The following EPHA6 variants were observed in gnomAD, a reference collection of about 807,000 sequenced individuals.
EPHA6 encodes EPH receptor A6.
A neutral mutation model predicts 112.0 loss-of-function variants in EPHA6; 50 were observed. The ratio of observed to expected loss-of-function variants is 0.45; its 90% CI spans 0.36 to 0.56. The LOEUF (loss-of-function observed/expected upper bound fraction) is 0.56, where lower values mean the gene tolerates loss of function less well. Among genes scored for constraint, EPHA6 ranks in the 20% least tolerant of loss-of-function variants. EPHA6 has a pLI of 0.00. For missense variants in EPHA6, 1,280 were observed against 1,417.4 expected, an observed-to-expected ratio of 0.90 and a Z score of 1.56; for synonymous variants, 529 against 490.7, an observed-to-expected ratio of 1.08 and a Z score of -1.03.
chr3:97,358,437 A>T (rs187495160), intron 5 of EPHA6, among the ~76,000 whole-genome samples: 167 of 152,268 alleles, frequency 1.1e-3, no homozygotes, highest in Non-Finnish European at 1.6e-3. Flanking sequence ...AATTAAAGTG[A>T]TAATTGTAAT....
intron 11 of EPHA6, among the ~76,000 whole-genome samples, chr3:97,588,405 T>C (rs1240989326): frequency 2.0e-5 from 3 of 152,170 alleles, no homozygotes; most frequent in Admixed American, 6.6e-5. Context: ...TACTTATAGA[T>C]CTTAATGTGT....
At chr3:97,353,718 G>A (rs925956351) in intron 5 of EPHA6, among the ~76,000 whole-genome samples, 7 of 152,134 alleles carry the variant, frequency 4.6e-5, no homozygotes, top group Non-Finnish European at 8.8e-5. Context: ...TGAAAGGAGG[G>A]AAACAAGCCT....
At chr3:97,450,241 C>A (rs1009842880) in intron 7 of EPHA6, among the ~76,000 whole-genome samples, 2 of 151,756 alleles carry the variant, frequency 1.3e-5, no homozygotes, top group South Asian at 4.2e-4. Flanking sequence ...CTTTTTTTCC[C>A]CTGCCCGCTT....
At position 97,148,279 on chromosome 3, in the gene EPHA6, G is replaced by A. The variant is rs888481048; in HGVS notation, c.1115-77985G>A. 5.1e-4 allele frequency among the ~76,000 whole-genome samples: 77 copies of A among 151,926 alleles called. 1 individual carries two copies. The highest frequency in any genetic ancestry group is 6.6e-5 in the Admixed American group (1 of 15,216). On this transcript the variant is annotated intron_variant, in intron 3 of 17. Coordinates refer to ENST00000389672, the MANE Select transcript of EPHA6 (RefSeq NM_001080448.3). ...GAGGCCAGGAGTTCAAGACCAGCCT[G>A]GACAACACAGCAAGACTCCATTTCT...
In EPHA6 at chr3:97,486,841, G is replaced by A. The variant is rs2091711446; in HGVS notation, c.2200+2782G>A. Among the ~76,000 whole-genome samples the A allele has an allele frequency of 4.6e-5, 7 of 152,282 alleles. No homozygotes were observed. In the South Asian group the frequency reaches 1.2e-3, roughly 27 times the overall value. ...GTGTGGACAAAACATTGCTCAAATT[G>A]AAGAAGAACCAGTCGTGTAACATCT... On this transcript the variant is annotated intron_variant, in intron 10 of 17. Transcript: ENST00000389672.
At chr3:96,881,097 C>G (rs2037287714) in intron 2 of EPHA6, among the ~76,000 whole-genome samples, 2 of 152,280 alleles carry the variant, frequency 1.3e-5, no homozygotes, top group South Asian at 4.1e-4. Flanking sequence ...AACCACCAAA[C>G]TGTTTTCCAT....
At chr3:97,008,974 C>G (rs1377046153) in intron 3 of EPHA6, among the ~76,000 whole-genome samples, 2 of 152,092 alleles carry the variant, frequency 1.3e-5, no homozygotes, top group Non-Finnish European at 2.9e-5. Flanking sequence ...TTCATGGAGG[C>G]TGGAGAGCAG....
intron 5 of EPHA6, among the ~76,000 whole-genome samples, chr3:97,392,518 T>C (rs2086469001): frequency 6.6e-6 from 1 of 151,782 alleles, no homozygotes; most frequent in South Asian, 2.1e-4. Context: ...ATGTCATACA[T>C]ATTTTTTTGT....
intron 1 of EPHA6, among the ~76,000 whole-genome samples, chr3:96,820,820 G>A (rs2033196830): frequency 6.6e-6 from 1 of 151,886 alleles, no homozygotes; most frequent in African/African-American, 2.4e-5. Flanking sequence ...GTCAGCGAAC[G>A]ACTGTACAAG....
At chr3:96,980,333 G>C (rs2042712083) in intron 2 of EPHA6, among the ~76,000 whole-genome samples, 3 of 152,100 alleles carry the variant, frequency 2.0e-5, no homozygotes, top group Admixed American at 6.6e-5. Flanking sequence ...TCTTGTTTAT[G>C]TCAGGTTTGT....
rs1211167031 is a variant in EPHA6, at chr3:97,077,866, G to T, written c.1114+89873G>T. ...TTGTAATAAATATATGTGTGCATGT[G>T]TCTTTATAGCAGCATGATTTATAAT... On this transcript the variant is annotated intron_variant, in intron 3 of 17. Transcript: ENST00000389672. 2.0e-5 allele frequency among the ~76,000 whole-genome samples: 3 copies of T among 152,126 alleles called. No individual in the cohort carries two copies. The East Asian group carries it at 5.8e-4, about 29-fold the overall frequency.
At chr3:97,270,329 G>A (rs916341658) in intron 5 of EPHA6, among the ~76,000 whole-genome samples, 3 of 152,250 alleles carry the variant, frequency 2.0e-5, no homozygotes, top group African/African-American at 7.2e-5. Context: ...TGTTGGTAAA[G>A]AATCTCCTTC....
chr3:97,200,558 C>T (rs1430993304), intron 3 of EPHA6, among the ~76,000 whole-genome samples: 1 of 152,066 alleles, frequency 6.6e-6, no homozygotes. Context: ...CCTGTGTTCC[C>T]TCCAGCAATG....
chr3:97,208,750 TA>T (rs539682728), intron 3 of EPHA6, among the ~76,000 whole-genome samples: 8,803 of 144,826 alleles, frequency 0.061, 806 homozygotes, highest in African/African-American at 0.2. Flanking sequence ...CTGTCTCAAT[TA>T]AAAAAAAAAA....
chr3:97,361,485 C>T (rs187390115), intron 5 of EPHA6, among the ~76,000 whole-genome samples: 1 of 152,164 alleles, frequency 6.6e-6, no homozygotes, highest in East Asian at 1.9e-4. Flanking sequence ...TAACATAATA[C>T]CTGAAACTGG....
At chr3:97,735,188 A>G (rs2035201466) in intron 15 of EPHA6, among the ~76,000 whole-genome samples, 1 of 152,022 alleles carries the variant, frequency 6.6e-6, no homozygotes, top group Non-Finnish European at 1.5e-5. Flanking sequence ...CACTAACCAC[A>G]TGTGACTGTG....
At chr3:97,362,635 G>A (rs1289590522) in intron 5 of EPHA6, among the ~76,000 whole-genome samples, 2 of 151,768 alleles carry the variant, frequency 1.3e-5, no homozygotes, top group African/African-American at 2.4e-5. Flanking sequence ...ATGTCATTTA[G>A]GTATACTTTG....
chr3:97,660,185 T>G (rs1283463443), intron 14 of EPHA6, among the ~76,000 whole-genome samples: 26 of 152,192 alleles, frequency 1.7e-4, no homozygotes, highest in Admixed American at 1.7e-3. Flanking sequence ...TTCATTATGC[T>G]CCCTTCAGTA....
chr3:97,281,355 A>G (rs1048927387), intron 5 of EPHA6, among the ~76,000 whole-genome samples: 1 of 152,152 alleles, frequency 6.6e-6, no homozygotes, highest in Non-Finnish European at 1.5e-5. Context: ...TATTTCAAAG[A>G]GAAGGATGGA....
Sources: gnomAD v4.1 joint callset for allele counts (sites outside exome capture counted in the v4.1 genomes callset) on GRCh38, gnomAD v4.1.1 for gene constraint, MANE v1.5 for transcripts, NCBI Gene and HGNC (gene_info 2026-07-23, HGNC 2026-07-21) for gene names.